Variants in NRXN3 observed in about 807,000 individuals in gnomAD.
NRXN3 encodes the protein neurexin 3.
In NRXN3, 32 loss-of-function variants were observed where a neutral mutation model predicts 137.6. The observed-to-expected ratio is 0.23, with a 90% CI of 0.18 to 0.31. NRXN3 has a LOEUF of 0.31. Among genes scored for constraint, NRXN3 ranks in the 10% least tolerant of loss-of-function variants. The probability of loss-of-function intolerance (pLI) is 1.00; values close to 1 mark genes in which losing one functional copy is unlikely to be tolerated. For missense variants in NRXN3, 1,574 were observed against 2,062.5 expected, an observed-to-expected ratio of 0.76 and a Z score of 4.59; for synonymous variants, 798 against 784.5, an observed-to-expected ratio of 1.02 and a Z score of -0.29.
At chr14:79,769,565 G>T (rs1008711940) in intron 19 of NRXN3, among the ~76,000 whole-genome samples, 9 of 151,926 alleles carry the variant, frequency 5.9e-5, no homozygotes, top group African/African-American at 2.2e-4. Flanking sequence ...TTACAGACAA[G>T]CAAATGCTGA....
chr14:78,645,656 T>G (rs1392425201), intron 5 of NRXN3, among the ~76,000 whole-genome samples: 2 of 151,980 alleles, frequency 1.3e-5, no homozygotes, highest in East Asian at 3.9e-4. Context: ...AAAAAACAAC[T>G]CAGTTGTATA....
intron 15 of NRXN3, among the ~76,000 whole-genome samples, chr14:79,251,816 GTTTCT>G (rs1163439338): frequency 5.3e-5 from 8 of 151,112 alleles, no homozygotes; most frequent in Non-Finnish European, 8.9e-5. Flanking sequence ...TTTTCTTTTT[GTTTCT>G]TTTCTTTTCT....
intron 1 of NRXN3, among the ~76,000 whole-genome samples, chr14:78,237,998 T>A (rs2153448441): frequency 6.6e-6 from 1 of 152,086 alleles, no homozygotes; most frequent in African/African-American, 2.4e-5. Context: ...CTTCCTTGAG[T>A]CTGTCTCAAG....
intron 6 of NRXN3, among the ~76,000 whole-genome samples, chr14:78,657,663 A>G (rs1472165471): frequency 6.6e-6 from 1 of 152,240 alleles, no homozygotes; most frequent in African/African-American, 2.4e-5. Context: ...TAGTCTCTGA[A>G]CAGATGATTA....
At chr14:79,523,781 A>G (rs2097093235) in intron 16 of NRXN3, among the ~76,000 whole-genome samples, 1 of 152,212 alleles carries the variant, frequency 6.6e-6, no homozygotes, top group Admixed American at 6.5e-5. Flanking sequence ...CTTCACAAGA[A>G]TCTGTTTTAG....
At chr14:78,806,530 C>T (rs892996548) in intron 9 of NRXN3, among the ~76,000 whole-genome samples, 1 of 152,176 alleles carries the variant, frequency 6.6e-6, no homozygotes, top group African/African-American at 2.4e-5. Flanking sequence ...CTAGCCCATG[C>T]ACTAACAATA....
At chr14:79,430,784 G>A (rs942246587) in intron 15 of NRXN3, among the ~76,000 whole-genome samples, 3 of 152,080 alleles carry the variant, frequency 2.0e-5, no homozygotes, top group Admixed American at 1.3e-4. Flanking sequence ...GGCCATATAA[G>A]GAGATAATTT....
At chr14:79,479,747 C>A (rs949170404) in intron 16 of NRXN3, among the ~76,000 whole-genome samples, 1 of 151,982 alleles carries the variant, frequency 6.6e-6, no homozygotes, top group South Asian at 2.1e-4. Flanking sequence ...TTCTCAATGA[C>A]GTTAAGGCAC....
chr14:78,290,553 G>A (rs2075700482), intron 3 of NRXN3, among the ~76,000 whole-genome samples: 1 of 152,142 alleles, frequency 6.6e-6, no homozygotes, highest in Non-Finnish European at 1.5e-5. Flanking sequence ...GTTCACTTGA[G>A]CCCAGGAGTT....
intron 16 of NRXN3, among the ~76,000 whole-genome samples, chr14:79,518,219 AT>A (rs112938496): frequency 2.0e-5 from 3 of 151,598 alleles, no homozygotes; most frequent in African/African-American, 7.2e-5. Flanking sequence ...TTTCTTTTAT[AT>A]TTTTTTATAG....
At chr14:79,114,869 C>G (rs1488090063) in intron 15 of NRXN3, among the ~76,000 whole-genome samples, 2 of 152,118 alleles carry the variant, frequency 1.3e-5, no homozygotes, top group Non-Finnish European at 2.9e-5. Context: ...ATACCTCTCT[C>G]TTGTCGACCT....
chr14:79,401,286 C>G (rs2095186450), intron 15 of NRXN3, among the ~76,000 whole-genome samples: 1 of 152,148 alleles, frequency 6.6e-6, no homozygotes, highest in South Asian at 2.1e-4. Flanking sequence ...TATGTGAGCC[C>G]TCTAGTCCCT....
intron 15 of NRXN3, among the ~76,000 whole-genome samples, chr14:79,030,792 A>G (rs947929940): frequency 1.5e-4 from 23 of 151,162 alleles, no homozygotes; most frequent in African/African-American, 4.9e-4. Context: ...TACTACCTAG[A>G]TCTCAATTTC....
At chr14:79,280,440 G>A (rs760874295) in intron 15 of NRXN3, 19 of 1,613,904 alleles carry the variant, frequency 1.2e-5, no homozygotes, top group Middle Eastern at 1.6e-4. Context: ...TCCTCGCCGG[G>A]GTCTCACTCT....
chr14:79,208,276 G>A lies in NRXN3; in HGVS notation c.3262+220135G>A, dbSNP rs756469952. 5.8e-4 allele frequency among the ~76,000 whole-genome samples: 89 copies of A among 152,292 alleles called. 1 individual carries two copies. The highest frequency in any genetic ancestry group is 7.8e-4 in the Non-Finnish European group (53 of 68,034). ...TTTGGGGGTCACTTAATCCAGGACAGTTCCTGCATTTATGGAAAATGAGCA... is the reference window on the plus strand; with the variant it reads ...TTTGGGGGTCACTTAATCCAGGACAATTCCTGCATTTATGGAAAATGAGCA... On this transcript the variant is annotated intron_variant, in intron 15 of 20. Transcript: ENST00000335750.
Position 78,965,160 on chromosome 14 carries a change from T to C in NRXN3, c.2396-865T>C, listed in dbSNP as rs76488828. 8.3e-3 allele frequency among the ~76,000 whole-genome samples: 1,260 copies of C among 152,284 alleles called. 11 individuals carry two copies. The highest frequency in any genetic ancestry group is 0.029 in the African/African-American group (1,188 of 41,560). ...CTTGCAAAGAATCCTCTTTCCTAAGTGTACCAGCAAGAGCTCTGGAACTGA... is the reference window on the plus strand; with the variant it reads ...CTTGCAAAGAATCCTCTTTCCTAAGCGTACCAGCAAGAGCTCTGGAACTGA... On this transcript the variant is annotated intron_variant, in intron 11 of 20. Coordinates refer to ENST00000335750, the MANE Select transcript of NRXN3 (RefSeq NM_001330195.2).
At chr14:79,395,544 C>T (rs908097306) in intron 15 of NRXN3, among the ~76,000 whole-genome samples, 1 of 150,060 alleles carries the variant, frequency 6.7e-6, no homozygotes, top group Non-Finnish European at 1.5e-5. Flanking sequence ...CGTGGTGGCT[C>T]ACGCCTGTAA....
At chr14:78,765,541 A>G (rs959232366) in intron 8 of NRXN3, among the ~76,000 whole-genome samples, 1 of 152,022 alleles carries the variant, frequency 6.6e-6, no homozygotes, top group Non-Finnish European at 1.5e-5. Context: ...TAGCTTCCAT[A>G]TTTGTTCTTG....
At chr14:78,245,633 T>A (rs929724874) in intron 2 of NRXN3, among the ~76,000 whole-genome samples, 1 of 152,188 alleles carries the variant, frequency 6.6e-6, no homozygotes, top group Non-Finnish European at 1.5e-5. Flanking sequence ...TAAGAATATT[T>A]AAAAAAATTA....
Sources: gnomAD v4.1 joint callset for allele counts (sites outside exome capture counted in the v4.1 genomes callset) on GRCh38, gnomAD v4.1.1 for gene constraint, MANE v1.5 for transcripts, NCBI Gene and HGNC (gene_info 2026-07-23, HGNC 2026-07-21) for gene names.